The following THAP4 variants were observed in gnomAD, a reference collection of about 807,000 sequenced individuals.
The protein encoded by THAP4 is peroxynitrite isomerase THAP4.
THAP4 carries 18 observed loss-of-function variants against 48.1 expected under a neutral mutation model. That is an observed-to-expected ratio of 0.37 (90% CI 0.26 to 0.56). The LOEUF (loss-of-function observed/expected upper bound fraction) is 0.56. THAP4 is among the 20% of genes least tolerant of loss of function. THAP4 has a pLI of 0.78. For missense variants in THAP4, 656 were observed against 774.9 expected, an observed-to-expected ratio of 0.85 and a Z score of 1.82; for synonymous variants, 345 against 324.9, an observed-to-expected ratio of 1.06 and a Z score of -0.66.
chr2:241,623,398 G>A (rs1455512715), intron 2 of THAP4, among the ~76,000 whole-genome samples: 1 of 151,912 alleles, frequency 6.6e-6, no homozygotes, highest in Non-Finnish European at 1.5e-5. Context: ...TGGGCAACAT[G>A]GCAAAACCCT....
chr2:241,624,417 G>C (rs999437474), intron 2 of THAP4, among the ~76,000 whole-genome samples: 1 of 151,888 alleles, frequency 6.6e-6, no homozygotes, highest in African/African-American at 2.4e-5. Context: ...AACCCAGGGG[G>C]CAGAGGTTGC....
intron 4 of THAP4, 129 bp from the exon 5 acceptor site, chr2:241,602,128 T>C (rs986277949): frequency 7.5e-6 from 6 of 798,906 alleles, no homozygotes; most frequent in Admixed American, 5.1e-5. Context: ...AGCAACGATA[T>C]TTCTCCTCCT....
intron 2 of THAP4, among the ~76,000 whole-genome samples, chr2:241,617,919 AC>A (rs2067368580): frequency 6.6e-6 from 1 of 152,188 alleles, no homozygotes; most frequent in Non-Finnish European, 1.5e-5. Context: ...CGGCCCGGGA[AC>A]CCAGGACAGG....
intron 5 of THAP4, among the ~76,000 whole-genome samples, chr2:241,597,771 G>C (rs2067066982): frequency 6.6e-6 from 1 of 152,136 alleles, no homozygotes. Context: ...TGTGCTTCCA[G>C]CTTCTGTCCA....
intron 2 of THAP4, among the ~76,000 whole-genome samples, chr2:241,609,996 C>T (rs1042918958): frequency 6.6e-6 from 1 of 152,166 alleles, no homozygotes; most frequent in African/African-American, 2.4e-5. Context: ...ATCCAGAGTC[C>T]AGGTTCTGAG....
At chr2:241,620,973 A>G (rs532330012) in intron 2 of THAP4, among the ~76,000 whole-genome samples, 9 of 152,260 alleles carry the variant, frequency 5.9e-5, no homozygotes, top group African/African-American at 2.2e-4. Flanking sequence ...GGCAAAAAAA[A>G]AAATCTGAAG....
At chr2:241,618,815 C>A (rs774383175) in intron 2 of THAP4, among the ~76,000 whole-genome samples, 1 of 151,198 alleles carries the variant, frequency 6.6e-6, no homozygotes, top group Non-Finnish European at 1.5e-5. Context: ...GTTCTCCCCA[C>A]GAAAAGCCAA....
chr2:241,598,458 ATAATT>A (rs1159635979), intron 5 of THAP4, among the ~76,000 whole-genome samples: 1 of 152,190 alleles, frequency 6.6e-6, no homozygotes, highest in Non-Finnish European at 1.5e-5. Context: ...AGCTATTAAT[ATAATT>A]TATTACAGCA....
chr2:241,596,311 A>G (rs1349595072), intron 5 of THAP4, among the ~76,000 whole-genome samples: 1 of 151,586 alleles, frequency 6.6e-6, no homozygotes, highest in Non-Finnish European at 1.5e-5. Context: ...GTTTGAGAAC[A>G]GCCTGGCCAA....
chr2:241,632,797 T>G, intron 2 of THAP4, 120 bp downstream of exon 2: 1 of 756,630 alleles, frequency 1.3e-6, no homozygotes, highest in Non-Finnish European at 2.1e-6. Context: ...CAGAGCTTCC[T>G]CCTGAGAGCG....
chr2:241,614,733 C>CA (rs1180808613), intron 2 of THAP4, among the ~76,000 whole-genome samples: 1 of 151,868 alleles, frequency 6.6e-6, no homozygotes, highest in Non-Finnish European at 1.5e-5. Context: ...TAAAAACACA[C>CA]AAAAAATTAG....
At chr2:241,617,497 G>A in intron 2 of THAP4, 1 of 1,541,698 alleles carries the variant, frequency 6.5e-7, no homozygotes. Flanking sequence ...GTTTGCACCT[G>A]GCTCTTAATG....
rs1559237341 is a variant in THAP4, at chr2:241,633,880, CCCT to C, written c.274_276del (p.Arg92del). 3.1e-6 allele frequency: 5 copies of C among 1,614,044 alleles called. No homozygotes were observed. In the South Asian group the frequency reaches 5.5e-5, roughly 18 times the overall value. ...CGGGTGCGGCCATGGCCTCCAGCCC[CCCT>C]CTTCTTCTCGGTCAGGTGGAAGATG... On this transcript the variant is annotated inframe_deletion, in exon 2 of 6. Transcript: ENST00000407315. The surrounding 1 kb of genome is among the most constrained non-coding windows in gnomAD (Gnocchi z 7.5).
rs2067584472 is a variant in THAP4, at chr2:241,632,965, T to G, written c.1192A>C (p.Arg398=). ...RKLQEKLDEL[R]RVSVPYPSSL... ...CTTGGATAGGGGACGCTCACTCTCC[T>G]CAGCTCATCCAGCTTCTCCTGTAGC... is the stretch of plus-strand genomic sequence containing the variant. The change falls in exon 2 of 6, where the codon AGG becomes CGG. Residue 398 remains arginine, a synonymous_variant. Transcript: ENST00000407315. 6.2e-7 allele frequency: 1 copy of G among 1,613,224 alleles called. No individual in the cohort carries two copies. Among genetic ancestry groups the G allele is most frequent in the Non-Finnish European group, 8.5e-7 (1 of 1,179,730 alleles).
chr2:241,588,152 T>C (rs2066915488), intron 5 of THAP4, among the ~76,000 whole-genome samples: 1 of 152,158 alleles, frequency 6.6e-6, no homozygotes, highest in Non-Finnish European at 1.5e-5. Context: ...ATTGTACTTC[T>C]ATATACTTGC....
At position 241,616,317 on chromosome 2, in the gene THAP4, G is replaced by A. The variant is rs939200261; in HGVS notation, c.1241-9844C>T. 7.9e-5 allele frequency among the ~76,000 whole-genome samples: 12 copies of A among 152,210 alleles called. No homozygotes were observed. Among genetic ancestry groups the A allele is most frequent in the African/African-American group, 2.7e-4 (11 of 41,460 alleles). On this transcript the variant is annotated intron_variant, in intron 2 of 5. Transcript: ENST00000407315. The surrounding 1 kb of genome is among the most constrained non-coding windows in gnomAD (Gnocchi z 4.6). ...TTGCTGGCAGCTTGGAAGGCGACCCGTGACATCAGTGAGAAGGGCGGGTGC... is the reference window on the plus strand; with the variant it reads ...TTGCTGGCAGCTTGGAAGGCGACCCATGACATCAGTGAGAAGGGCGGGTGC...
At chr2:241,608,030 C>T (rs910955177) in intron 2 of THAP4, among the ~76,000 whole-genome samples, 1 of 151,758 alleles carries the variant, frequency 6.6e-6, no homozygotes, top group African/African-American at 2.4e-5. Flanking sequence ...AAGCAGAAGA[C>T]GGACTGACGG....
intron 5 of THAP4, 95 bp from the exon 6 acceptor site, chr2:241,584,820 G>A: frequency 2.0e-6 from 3 of 1,511,098 alleles, no homozygotes; most frequent in Non-Finnish European, 2.7e-6. Flanking sequence ...ACTCATCACG[G>A]GCTGTGAGCC....
chr2:241,618,304 A>G (rs2067372662), intron 2 of THAP4, among the ~76,000 whole-genome samples: 1 of 152,252 alleles, frequency 6.6e-6, no homozygotes. Context: ...TTTCTATAAA[A>G]TATAAAAAGG....
Sources: gnomAD v4.1 joint callset for allele counts (sites outside exome capture counted in the v4.1 genomes callset) on GRCh38, gnomAD v4.1.1 for gene constraint, Gnocchi (gnomAD v3.1) non-coding constraint, MANE v1.5 for transcripts, NCBI Gene and HGNC (gene_info 2026-07-23, HGNC 2026-07-21) for gene names.